ADGB: variants seen among roughly 807,000 people sequenced by gnomAD.
ADGB encodes the protein androglobin.
Under a neutral mutation model 210.5 loss-of-function variants are expected in ADGB, and 172 were observed. That is an observed-to-expected ratio of 0.82 (90% CI 0.72 to 0.93). The LOEUF is 0.93. Among genes scored for constraint, ADGB ranks in the 40% least tolerant of loss-of-function variants. The pLI is 0.00. For missense variants in ADGB, 2,025 were observed against 1,964.8 expected (o/e 1.03, Z -0.58); for synonymous variants, 658 against 662.7 (o/e 0.99, Z 0.11).
chr6:146,804,841 C>A (rs1778188040), intron 35 of ADGB, among the ~76,000 whole-genome samples: 1 of 152,290 alleles, frequency 6.6e-6, no homozygotes, highest in African/African-American at 2.4e-5. Context: ...TAGTGTTTGG[C>A]AGACTTATTT....
chr6:146,697,513 G>A (rs557052438), intron 12 of ADGB, among the ~76,000 whole-genome samples: 3 of 152,078 alleles, frequency 2.0e-5, no homozygotes, highest in African/African-American at 7.2e-5. Flanking sequence ...CTAAGACCCA[G>A]AACTCAATAG....
At chr6:146,736,271 TTTAAA>T (rs1777076981) in intron 22 of ADGB, among the ~76,000 whole-genome samples, 3 of 152,290 alleles carry the variant, frequency 2.0e-5, no homozygotes, top group South Asian at 2.1e-4. Flanking sequence ...ATTCTAAAAC[TTTAAA>T]TTAAAGATGA....
At chr6:146,654,497 GA>G in intron 4 of ADGB, among the ~76,000 whole-genome samples, 1 of 151,970 alleles carries the variant, frequency 6.6e-6, no homozygotes, top group East Asian at 1.9e-4. Context: ...GGACTACAGG[GA>G]TGTGCCATCT....
Position 146,765,449 on chromosome 6 carries a change from T to A in ADGB, c.3750+1349T>A, listed in dbSNP as rs189208896. On this transcript the variant is annotated intron_variant, in intron 28 of 35. Transcript: ENST00000397944. The stretch of plus-strand genomic sequence containing the variant: ...TTTTTTGGCACACATGAGATTTTTT[T>A]AAAATATCATGTAATAGACAATAAA... 5.3e-3 allele frequency among the ~76,000 whole-genome samples: 813 copies of A among 152,052 alleles called. 4 individuals carry two copies. Among genetic ancestry groups the A allele is most frequent in the African/African-American group, 0.018 (758 of 41,548 alleles).
chr6:146,741,404 A>G, intron 25 of ADGB, 133 bp downstream of exon 25: 5 of 723,866 alleles, frequency 6.9e-6, no homozygotes, highest in East Asian at 3.0e-5. Context: ...ATCTTTCACT[A>G]TAGAAGTCCC....
chr6:146,621,505 C>A (rs1404773862), intron 1 of ADGB, among the ~76,000 whole-genome samples: 2 of 152,100 alleles, frequency 1.3e-5, no homozygotes, highest in African/African-American at 4.8e-5. Flanking sequence ...ACCATGGAAA[C>A]CACAGGTCTA....
chr6:146,716,976 C>T lies in ADGB; in HGVS notation c.1835C>T (p.Thr612Ile). The T allele has an allele frequency of 2.6e-6, 4 of 1,551,540 alleles. No individual in the cohort carries two copies. Among genetic ancestry groups the T allele is most frequent in the Non-Finnish European group, 3.5e-6 (4 of 1,146,916 alleles). Residue 612 changes from threonine (T) to isoleucine (I), a missense_variant, in exon 15 of 36, where the codon ACA becomes ATA. By Grantham distance (89) the Thr-to-Ile change is moderately conservative. Transcript: ENST00000397944. Reference protein sequence around the residue: ...EREIVSQTTATQEKSQEELPT... With the variant: ...EREIVSQTTAIQEKSQEELPT... ...GAGATAGTCAGCCAGACCACAGCAA[C>T]ACAGGAAAAGTCACAGGAAGAACTT...
chr6:146,611,249 G>T (rs1318894587), intron 1 of ADGB, among the ~76,000 whole-genome samples: 1 of 151,972 alleles, frequency 6.6e-6, no homozygotes, highest in East Asian at 2.0e-4. Flanking sequence ...CTTTTGGAAA[G>T]ACTGGTAGAC....
At chr6:146,667,666 G>T (rs1434457502) in intron 7 of ADGB, among the ~76,000 whole-genome samples, 1 of 152,004 alleles carries the variant, frequency 6.6e-6, no homozygotes, top group African/African-American at 2.4e-5. Context: ...TAAAACATTT[G>T]CAAACTTCCC....
intron 6 of ADGB, 63 bp from the exon 7 acceptor site, chr6:146,666,753 C>A (rs1775941247): frequency 3.1e-6 from 3 of 965,942 alleles, no homozygotes; most frequent in South Asian, 3.2e-5. Context: ...ATTCCTAGTT[C>A]TTATATATCT....
chr6:146,777,499 G>A (rs1170815483), intron 29 of ADGB, among the ~76,000 whole-genome samples: 2 of 152,162 alleles, frequency 1.3e-5, no homozygotes, highest in Admixed American at 1.3e-4. Flanking sequence ...GGTTCTCAAA[G>A]TGTGATCCTT....
At chr6:146,780,597 C>CA (rs1383161611) in intron 29 of ADGB, among the ~76,000 whole-genome samples, 4 of 151,024 alleles carry the variant, frequency 2.6e-5, no homozygotes, top group Non-Finnish European at 3.0e-5. Context: ...TTAATAGAGA[C>CA]AAAAAAAAGA....
rs142829077 is a variant in ADGB, at chr6:146,694,779, T to C, written c.1577+1864T>C. 5.7e-3 allele frequency among the ~76,000 whole-genome samples: 875 copies of C among 152,264 alleles called. 4 individuals are homozygous for C. The highest frequency in any genetic ancestry group is 9.4e-3 in the Admixed American group (143 of 15,284). Reference sequence around the variant, plus strand: ...TCTAGATGTGTAAAAAAATACTGTGTAAGTTATTTTCCAGTCCCACTGGAC... The same window carrying C: ...TCTAGATGTGTAAAAAAATACTGTGCAAGTTATTTTCCAGTCCCACTGGAC... On this transcript the variant is annotated intron_variant, in intron 12 of 35. Coordinates refer to ENST00000397944, the MANE Select transcript of ADGB (RefSeq NM_024694.4).
intron 2 of ADGB, 43 bp downstream of exon 2, chr6:146,635,580 AT>A: frequency 2.1e-6 from 3 of 1,456,878 alleles, no homozygotes; most frequent in South Asian, 1.4e-5. Flanking sequence ...TTGGTTTTTA[AT>A]TTTATAATGG....
At chr6:146,733,349 G>C in intron 21 of ADGB, 94 bp downstream of exon 21, 1 of 1,258,754 alleles carries the variant, frequency 7.9e-7, no homozygotes, top group Non-Finnish European at 1.1e-6. Flanking sequence ...AGTGGAATAA[G>C]TCTGTGTGGA....
chr6:146,645,136 T>C (rs527936534), intron 3 of ADGB, among the ~76,000 whole-genome samples: 119 of 152,144 alleles, frequency 7.8e-4, no homozygotes, highest in African/African-American at 2.8e-3. Flanking sequence ...ACTTAAAATG[T>C]TGTATGAAGT....
At chr6:146,615,882 A>G (rs746856133) in intron 1 of ADGB, among the ~76,000 whole-genome samples, 4 of 152,198 alleles carry the variant, frequency 2.6e-5, no homozygotes, top group African/African-American at 9.7e-5. Context: ...ATGGAAGTGC[A>G]TATATCTTTT....
chr6:146,614,223 T>TCCTTCCTC (rs1554219010), intron 1 of ADGB, among the ~76,000 whole-genome samples: 13 of 29,270 alleles, frequency 4.4e-4, no homozygotes, highest in East Asian at 1.7e-3. Context: ...CTTCCTCCCT[T>TCCTTCCTC]CCTTCCTTCC....
intron 27 of ADGB, among the ~76,000 whole-genome samples, chr6:146,756,525 T>C (rs1239900600): frequency 6.6e-6 from 1 of 152,118 alleles, no homozygotes; most frequent in Non-Finnish European, 1.5e-5. Context: ...AAATATTACA[T>C]ATACATACCT....
Sources: gnomAD v4.1 joint callset for allele counts (sites outside exome capture counted in the v4.1 genomes callset) on GRCh38, gnomAD v4.1.1 for gene constraint, MANE v1.5 for transcripts, NCBI Gene and HGNC (gene_info 2026-07-23, HGNC 2026-07-21) for gene names.